Variants in PLEKHA6 observed in about 807,000 individuals in gnomAD.
The protein encoded by PLEKHA6 is pleckstrin homology domain-containing family A member 6.
Under a neutral mutation model 116.7 loss-of-function variants are expected in PLEKHA6, and 60 were observed. The ratio of observed to expected loss-of-function variants is 0.51; its 90% CI spans 0.42 to 0.64. The LOEUF (loss-of-function observed/expected upper bound fraction) is 0.64. PLEKHA6 is among the 30% of genes least tolerant of loss of function. The probability of loss-of-function intolerance (pLI) is 0.00; values close to 1 mark genes in which losing one functional copy is unlikely to be tolerated. For synonymous variants in PLEKHA6, 489 were observed against 556.1 expected, an observed-to-expected ratio of 0.88 and a Z score of 1.70; for missense variants, 1,338 against 1,422.7, an observed-to-expected ratio of 0.94 and a Z score of 0.96.
intron 1 of PLEKHA6, chr1:204,326,953 G>A (rs1672262505): frequency 2.0e-6 from 2 of 984,548 alleles, no homozygotes; most frequent in South Asian, 4.7e-5. Flanking sequence ...ACTTAGGCAG[G>A]GAGTGGTCCA....
At chr1:204,246,066 T>C (rs1663623846) in intron 13 of PLEKHA6, among the ~76,000 whole-genome samples, 1 of 152,190 alleles carries the variant, frequency 6.6e-6, no homozygotes, top group East Asian at 1.9e-4. Context: ...TATCCTGTTT[T>C]TCGTGGGGCA....
At chr1:204,370,110 G>A (rs932850059) in intron 2 of PLEKHA6, among the ~76,000 whole-genome samples, 3 of 152,226 alleles carry the variant, frequency 2.0e-5, no homozygotes, top group Admixed American at 6.5e-5. Context: ...CCTCCAAAAT[G>A]TATGCCTTTA....
intron 1 of PLEKHA6, chr1:204,280,246 T>G: frequency 1.1e-6 from 1 of 918,840 alleles, no homozygotes; most frequent in Non-Finnish European, 1.3e-6. Context: ...TCTCCAAACA[T>G]CCCCCTGGAG....
At chr1:204,336,142 T>C (rs1672639890) in intron 1 of PLEKHA6, among the ~76,000 whole-genome samples, 1 of 152,182 alleles carries the variant, frequency 6.6e-6, no homozygotes, top group South Asian at 2.1e-4. Flanking sequence ...TGCGGCATCC[T>C]AAACCCTCAT....
chr1:204,287,687 C>T (rs994440403), intron 1 of PLEKHA6, among the ~76,000 whole-genome samples: 8 of 152,150 alleles, frequency 5.3e-5, no homozygotes, highest in Non-Finnish European at 7.4e-5. Flanking sequence ...CTGTCCCCTC[C>T]ACCTTCCTCC....
chr1:204,229,212 CACCCCACTGCTCCCACCAT>C, intron 18 of PLEKHA6, 108 bp from the exon 19 acceptor site: 1 of 1,048,754 alleles, frequency 9.5e-7, no homozygotes, highest in South Asian at 1.5e-5. Flanking sequence ...ATCTAGCTGC[CACCCCACTGCTCCCACCAT>C]ACCCCACTGC....
Position 204,263,780 on chromosome 1 carries a change from CTTG to C in PLEKHA6, c.381+1159_381+1161del, listed in dbSNP as rs369445205. ...TGTGTGTCTGTGTATAACAGGACTA[CTTG>C]TTGTTGGTTAAACAGCCTGTTCCTA... On this transcript the variant is annotated intron_variant, in intron 6 of 22. Transcript: ENST00000272203. Among the ~76,000 whole-genome samples, 189 of 151,910 alleles carry C rather than the reference CTTG, an allele frequency of 1.2e-3. 1 individual carries two copies. Among genetic ancestry groups the C allele is most frequent in the African/African-American group, 4.1e-3 (169 of 41,406 alleles).
At chr1:204,270,468 G>A (rs1667331998) in intron 3 of PLEKHA6, among the ~76,000 whole-genome samples, 1 of 152,084 alleles carries the variant, frequency 6.6e-6, no homozygotes, top group South Asian at 2.1e-4. Flanking sequence ...AGCCTGTTCT[G>A]CACTTCTCAT....
At chr1:204,369,227 T>A (rs1184105748) in intron 2 of PLEKHA6, 1 of 152,190 alleles carries the variant, frequency 6.6e-6, no homozygotes, top group Non-Finnish European at 1.5e-5. Flanking sequence ...ATAGCAACAT[T>A]ATACAATAGG....
At chr1:204,229,267 G>A (rs1660828207) in intron 18 of PLEKHA6, among the ~76,000 whole-genome samples, 163 bp from the exon 19 acceptor site, 1 of 152,146 alleles carries the variant, frequency 6.6e-6, no homozygotes, top group Non-Finnish European at 1.5e-5. Context: ...CCTTTCTGCT[G>A]GCCCAAAGCC....
intron 13 of PLEKHA6, 83 bp downstream of exon 13, chr1:204,247,282 C>T (rs4951329): frequency 0.67 from 543,810 of 812,494 alleles, 183,683 homozygotes; most frequent in East Asian, 0.83. Flanking sequence ...TATCAATGGC[C>T]GGAACCTTTG....
chr1:204,338,726 T>C (rs1010269018), intron 1 of PLEKHA6, among the ~76,000 whole-genome samples: 3 of 152,274 alleles, frequency 2.0e-5, no homozygotes, highest in Admixed American at 6.5e-5. Context: ...AGATGACTTC[T>C]GAAAACGGGC....
intron 1 of PLEKHA6, among the ~76,000 whole-genome samples, chr1:204,319,136 G>A (rs1671966466): frequency 6.6e-6 from 1 of 152,220 alleles, no homozygotes; most frequent in Non-Finnish European, 1.5e-5. Flanking sequence ...TGGTGGGAAG[G>A]AAAGAGGAGA....
intron 1 of PLEKHA6, among the ~76,000 whole-genome samples, chr1:204,322,604 C>T (rs920152828): frequency 3.9e-5 from 6 of 152,158 alleles, no homozygotes; most frequent in South Asian, 2.1e-4. Context: ...TAGCTTCAAC[C>T]GCTGTCACTA....
At chr1:204,276,760 C>T (rs1268631335) in intron 1 of PLEKHA6, among the ~76,000 whole-genome samples, 1 of 152,068 alleles carries the variant, frequency 6.6e-6, no homozygotes, top group Non-Finnish European at 1.5e-5. Flanking sequence ...CCAGACTTTC[C>T]TACCCAGCAA....
intron 1 of PLEKHA6, among the ~76,000 whole-genome samples, chr1:204,341,044 C>A (rs568978532): frequency 6.6e-6 from 1 of 152,184 alleles, no homozygotes; most frequent in Middle Eastern, 3.2e-3. Flanking sequence ...ACAGCACACC[C>A]GGTGCCTGGC....
At chr1:204,262,390 G>A (rs939885495) in intron 6 of PLEKHA6, among the ~76,000 whole-genome samples, 3 of 152,168 alleles carry the variant, frequency 2.0e-5, no homozygotes, top group African/African-American at 7.2e-5. Context: ...GAGTCTGCCT[G>A]GTGAAATTCA....
Position 204,312,841 on chromosome 1 carries a change from A to C in PLEKHA6, c.-94-38032T>G, listed in dbSNP as rs990279220. Among the ~76,000 whole-genome samples the C allele has an allele frequency of 1.6e-4, 23 of 140,596 alleles. No homozygotes were observed. The East Asian group carries it at 5.3e-3, about 32-fold the overall frequency. The allele number at this position is 140,596 out of a possible 152,430, so 92.2% of individuals were successfully genotyped here. ...GCATTTGCATCAAGGCCCTTAGCCCATTTTCTTTTCTTTTCTTTTCTTTTC... is the reference window on the plus strand; with the variant it reads ...GCATTTGCATCAAGGCCCTTAGCCCCTTTTCTTTTCTTTTCTTTTCTTTTC... On this transcript the variant is annotated intron_variant, in intron 1 of 22. Coordinates refer to ENST00000272203, the MANE Select transcript of PLEKHA6 (RefSeq NM_014935.5).
chr1:204,273,521 G>C, intron 3 of PLEKHA6, 105 bp downstream of exon 3: 1 of 818,090 alleles, frequency 1.2e-6, no homozygotes, highest in Non-Finnish European at 2.1e-6. Context: ...GGAGCCTGCA[G>C]AAATAGCTGG....
Sources: allele counts gnomAD v4.1 joint callset (sites outside exome capture counted in the v4.1 genomes callset), GRCh38; gene constraint gnomAD v4.1.1; transcripts MANE v1.5; gene names NCBI Gene and HGNC (gene_info 2026-07-23, HGNC 2026-07-21).